The following CDH26 variants were observed in gnomAD, a reference collection of about 807,000 sequenced individuals.
CDH26 encodes the protein cadherin-like protein 26.
In CDH26, 83 loss-of-function variants were observed where a neutral mutation model predicts 90.3. The ratio of observed to expected loss-of-function variants is 0.92; its 90% confidence interval spans 0.77 to 1.10. CDH26 has a LOEUF of 1.10. Among genes scored for constraint, CDH26 ranks in the 50% least tolerant of loss-of-function variants. The pLI, the probability that CDH26 is intolerant of heterozygous loss-of-function variation, is 0.00. For synonymous variants in CDH26, 397 were observed against 396.3 expected, an observed-to-expected ratio of 1.00 and a Z score of -0.02; for missense variants, 1,013 against 1,037.6, an observed-to-expected ratio of 0.98 and a Z score of 0.33.
chr20:59,985,620 C>T (rs1332568459), intron 7 of CDH26, among the ~76,000 whole-genome samples: 1 of 152,146 alleles, frequency 6.6e-6, no homozygotes, highest in Non-Finnish European at 1.5e-5. Context: ...CTGGGGATCA[C>T]ATTTCAGCAT....
In CDH26 at chr20:59,992,584, C is replaced by G; in HGVS notation, c.1426+64C>G. The G allele has an allele frequency of 6.5e-7, 1 of 1,541,284 alleles. No homozygotes were observed. The highest frequency in any genetic ancestry group is 9.0e-7 in the Non-Finnish European group (1 of 1,115,530). On this transcript the variant is annotated intron_variant, in intron 10 of 17. Coordinates refer to ENST00000348616, the MANE Select transcript of CDH26 (RefSeq NM_177980.4). This position sits in a 1 kb window ranked among gnomAD's most constrained non-coding sequence, Gnocchi z 5.0. ...TTCTTGCTTCCTGCGGGAAAATAAC[C>G]CTGGTGAGCGTCTTTCAGCACAGCA... is the stretch of plus-strand genomic sequence containing the variant.
intron 4 of CDH26, among the ~76,000 whole-genome samples, chr20:59,973,697 A>G (rs753897816): frequency 2.8e-4 from 43 of 152,304 alleles, no homozygotes; most frequent in Non-Finnish European, 5.7e-4. Context: ...CTCCAGCTCC[A>G]TCCATGTTCC....
intron 11 of CDH26, 105 bp downstream of exon 11, chr20:59,994,594 G>A (rs2061569089): frequency 2.1e-6 from 3 of 1,413,420 alleles, no homozygotes; most frequent in Admixed American, 2.2e-5. Flanking sequence ...AACCGGAGAG[G>A]TCTGCGTTCT....
intron 8 of CDH26, among the ~76,000 whole-genome samples, chr20:59,987,994 A>C (rs933449979): frequency 1.3e-5 from 2 of 152,198 alleles, no homozygotes; most frequent in African/African-American, 4.8e-5. Context: ...TTCAACACTA[A>C]AAGTTCTTTC....
chr20:60,007,000 C>T (rs2061763315), intron 17 of CDH26, among the ~76,000 whole-genome samples: 1 of 152,196 alleles, frequency 6.6e-6, no homozygotes, highest in African/African-American at 2.4e-5. Flanking sequence ...AGGGTTCCAG[C>T]ATGGTTGGGT....
chr20:59,958,593 T>C lies in CDH26; in HGVS notation c.-134T>C. 1.3e-6 allele frequency: 1 copy of C among 773,544 alleles called. No individual in the cohort carries two copies. Among genetic ancestry groups the C allele is most frequent in the South Asian group, 1.6e-5 (1 of 60,900 alleles). The allele number at this position is 773,544 out of a possible 1,614,324, so 47.9% of individuals were successfully genotyped here. A position where few individuals can be genotyped will look rare whatever the true frequency, so the allele number is the denominator to read the frequency against. On this transcript the variant is annotated 5_prime_UTR_variant, in exon 1 of 18. Transcript: ENST00000348616. ...AGGAGCAAGATGGGATGAAAGCATC[T>C]GGGCCAAAGTGACCTGAAAACCTTT...
intron 16 of CDH26, among the ~76,000 whole-genome samples, chr20:60,005,903 C>A (rs921961799): frequency 9.9e-5 from 15 of 152,208 alleles, no homozygotes; most frequent in Non-Finnish European, 2.1e-4. Context: ...CAGCACCCCA[C>A]CTCTTTGGGC....
Position 60,012,610 on chromosome 20 carries a change from C to G in CDH26, c.2379C>G (p.Ala793=), listed in dbSNP as rs760614832. 6.2e-7 allele frequency: 1 copy of G among 1,614,152 alleles called. No individual in the cohort carries two copies. The highest frequency in any genetic ancestry group is 8.5e-7 in the Non-Finnish European group (1 of 1,180,022). ...VYSEEGECGG[A]PSLSSLASLE... ...GCGAGGAAGGGGAGTGTGGAGGGGCCCCATCCCTCAGCTCTCTGGCCAGCT... is the reference window on the plus strand; with the variant it reads ...GCGAGGAAGGGGAGTGTGGAGGGGCGCCATCCCTCAGCTCTCTGGCCAGCT... The change falls in exon 18 of 18, where the codon GCC becomes GCG. Residue 793 remains alanine (A), a synonymous_variant. Coordinates refer to ENST00000348616, the MANE Select transcript of CDH26 (RefSeq NM_177980.4).
chr20:60,017,428 G>C (rs973916695), downstream of CDH26, among the ~76,000 whole-genome samples: 2 of 151,776 alleles, frequency 1.3e-5, no homozygotes, highest in African/African-American at 4.8e-5. Context: ...ATAATTCTTT[G>C]TATTTCTGTG....
Position 60,030,917 on chromosome 20 carries a change from A to G in CDH26, c.948-314A>G, listed in dbSNP as rs188612011. ...AGCCCGGAGTGAAAACATTTCCTTC[A>G]AAAGTTTTTGTTTTTCAAAGTGAAA... On this transcript the variant is annotated intron_variant, in intron 7 of 8. Transcript: ENST00000370991. This position sits in a 1 kb window ranked among gnomAD's most constrained non-coding sequence, Gnocchi z 4.0. Among the ~76,000 whole-genome samples the G allele has an allele frequency of 8.5e-5, 13 of 152,352 alleles. No individual in the cohort carries two copies. Among genetic ancestry groups the G allele is most frequent in the African/African-American group, 2.9e-4 (12 of 41,584 alleles).
In CDH26 at chr20:60,012,783, T is replaced by C. The variant is rs2061865243; in HGVS notation, c.*53T>C. 6.4e-7 allele frequency: 1 copy of C among 1,559,252 alleles called. No individual in the cohort carries two copies. Among genetic ancestry groups the C allele is most frequent in the Admixed American group, 1.8e-5 (1 of 56,768 alleles). ...AATAATTCATGGAAGGGAATCACTA[T>C]TCAGGGATTTTTCCCCTTTGCTCTT... On this transcript the variant is annotated 3_prime_UTR_variant, in exon 18 of 18. Transcript: ENST00000348616.
Position 59,970,170 on chromosome 20 carries a change from C to T in CDH26, c.215C>T (p.Pro72Leu). Residue 72 changes from proline (P) to leucine (L), a missense_variant, in exon 3 of 18, where the codon CCC becomes CTC. Physicochemically the swap from Pro to Leu is moderately conservative, Grantham distance 98. Transcript: ENST00000348616. ...ELEEEDPGPFPKLIGELFNNM... is the reference protein window; with the variant it reads ...ELEEEDPGPFLKLIGELFNNM... ...GAGGAGGAAGACCCGGGACCCTTTC[C>T]CAAACTCATTGGTGAGGTAAGGTGC... is the stretch of plus-strand genomic sequence containing the variant. The T allele has an allele frequency of 6.2e-7, 1 of 1,613,932 alleles. No homozygotes were observed. The highest frequency in any genetic ancestry group is 1.3e-5 in the African/African-American group (1 of 75,004).
Position 59,972,127 on chromosome 20 carries a change from T to A in CDH26, c.393+4T>A, listed in dbSNP as rs2061270466. 6.2e-7 allele frequency: 1 copy of A among 1,612,856 alleles called. No homozygotes were observed. ...AGAAATGACACCATCTTTCACGGTA[T>A]CTAAAACTTGATATATTCTAAGCTC... is the stretch of plus-strand genomic sequence containing the variant. On this transcript the variant is annotated splice_donor_region_variant and intron_variant, in intron 4 of 17. Transcript: ENST00000348616.
chr20:60,029,268 C>T (rs2062021925), intron 7 of CDH26, among the ~76,000 whole-genome samples: 1 of 152,162 alleles, frequency 6.6e-6, no homozygotes. Context: ...AACGTGGCAC[C>T]TATAGTCAAC....
intron 2 of CDH26, 59 bp downstream of exon 2, chr20:59,969,082 G>A (rs1384028631): frequency 9.1e-7 from 1 of 1,103,592 alleles, no homozygotes. Context: ...TTGACTTAGA[G>A]ACAGAATTGC....
At chr20:60,001,785 G>C (rs1424932690) in intron 15 of CDH26, among the ~76,000 whole-genome samples, 1 of 152,204 alleles carries the variant, frequency 6.6e-6, no homozygotes, top group Non-Finnish European at 1.5e-5. Context: ...TGCTTCCAGC[G>C]AAAGGGAGGC....
intron 3 of CDH26, among the ~76,000 whole-genome samples, chr20:59,970,486 C>CTTT (rs565962791): frequency 5.0e-5 from 7 of 141,322 alleles, no homozygotes; most frequent in South Asian, 2.3e-4. Flanking sequence ...CATGCAGAGG[C>CTTT]TTTTTTTTTT....
chr20:59,988,074 C>T, intron 8 of CDH26, among the ~76,000 whole-genome samples: 1 of 152,122 alleles, frequency 6.6e-6, no homozygotes, highest in South Asian at 2.1e-4. Flanking sequence ...CTGTGTGGCT[C>T]CAAGAGTATG....
intron 16 of CDH26, among the ~76,000 whole-genome samples, chr20:60,004,888 T>C (rs1266330603): frequency 6.6e-6 from 1 of 152,022 alleles, no homozygotes; most frequent in Admixed American, 6.6e-5. Flanking sequence ...TGAAATGTTA[T>C]GCCGTGCATA....
Sources: allele counts gnomAD v4.1 joint callset (sites outside exome capture counted in the v4.1 genomes callset), GRCh38; gene constraint gnomAD v4.1.1; non-coding constraint Gnocchi (gnomAD v3.1); transcripts MANE v1.5; gene names NCBI Gene and HGNC (gene_info 2026-07-23, HGNC 2026-07-21).